Variants in LMBRD1 observed in about 807,000 individuals in gnomAD.
LMBRD1 encodes LMBR1 domain containing 1, also known as lysosomal cobalamin transport escort protein LMBD1.
LMBRD1 carries 64 observed loss-of-function variants against 74.8 expected under a neutral mutation model. The ratio of observed to expected loss-of-function variants is 0.86; its 90% CI spans 0.70 to 1.05. The LOEUF (loss-of-function observed/expected upper bound fraction) is 1.05, where lower values mean the gene tolerates loss of function less well. LMBRD1 is among the 50% of genes least tolerant of loss of function. The pLI is 0.00. For missense variants in LMBRD1, 652 were observed against 645.9 expected (o/e 1.01, Z -0.10); for synonymous variants, 204 against 216.3 (o/e 0.94, Z 0.50).
At chr6:69,713,074 G>C (rs1766416979) in intron 9 of LMBRD1, among the ~76,000 whole-genome samples, 1 of 151,984 alleles carries the variant, frequency 6.6e-6, no homozygotes, top group Non-Finnish European at 1.5e-5. Flanking sequence ...GGTAAAGCAT[G>C]AAAACAAAAA....
chr6:69,757,778 C>T (rs1448797830), intron 3 of LMBRD1, among the ~76,000 whole-genome samples: 1 of 152,146 alleles, frequency 6.6e-6, no homozygotes, highest in Non-Finnish European at 1.5e-5. Context: ...TTATGACACT[C>T]TCATATCCTA....
intron 3 of LMBRD1, among the ~76,000 whole-genome samples, chr6:69,779,897 T>C (rs1389676196): frequency 6.6e-6 from 1 of 152,116 alleles, no homozygotes; most frequent in African/African-American, 2.4e-5. Context: ...CTTAGGAAGT[T>C]TTCATCTTTT....
At chr6:69,719,226 A>C (rs1766561549) in intron 7 of LMBRD1, 145 bp from the exon 8 acceptor site, 1 of 684,560 alleles carries the variant, frequency 1.5e-6, no homozygotes, top group Non-Finnish European at 2.5e-6. Context: ...ATGGGAGTGA[A>C]CATTATATTG....
intron 7 of LMBRD1, among the ~76,000 whole-genome samples, chr6:69,721,047 G>C (rs865807610): frequency 1.3e-5 from 2 of 152,178 alleles, no homozygotes; most frequent in Non-Finnish European, 2.9e-5. Flanking sequence ...AGGAACATTT[G>C]CACCAACACC....
At chr6:69,796,740 G>A in intron 1 of LMBRD1, 73 bp downstream of exon 1, 2 of 1,435,240 alleles carry the variant, frequency 1.4e-6, no homozygotes, top group Non-Finnish European at 9.7e-7. Context: ...GCCCGGAGAG[G>A]CCAACTGCAG....
intron 4 of LMBRD1, among the ~76,000 whole-genome samples, chr6:69,751,731 T>G (rs1256263828): frequency 2.6e-5 from 4 of 152,230 alleles, no homozygotes; most frequent in African/African-American, 9.6e-5. Context: ...GTGTGCCACA[T>G]CTGATTCATC....
rs1766127760 is a variant in LMBRD1 at position 69,701,458 on chromosome 6, C to G, written c.1068G>C (p.Leu356Phe). 1 of 1,594,346 alleles carries G rather than the reference C, an allele frequency of 6.3e-7. No homozygotes were observed. Among genetic ancestry groups the G allele is most frequent in the African/African-American group, 1.3e-5 (1 of 74,324 alleles). The change falls in exon 11 of 16, where the codon TTG (leucine) becomes TTC (phenylalanine). Residue 356 changes from leucine to phenylalanine, a missense_variant. Leu to Phe is a conservative substitution (Grantham distance 22). Around this residue, in one of 3 missense-constraint regions of LMBRD1, gnomAD observed 598 missense variants for 581.8 expected, o/e 1.03. Transcript: ENST00000649934. ...TTTTACTTACTGTTTGTAGTAAAGG[C>G]AAAAGCATATTCAGTGGATTACTCA... ...ANLSNPLNML[L>F]PLLQTVFPLD... is the part of the protein sequence containing the mutation.
intron 7 of LMBRD1, among the ~76,000 whole-genome samples, chr6:69,720,749 AGTACT>A (rs1448058669): frequency 2.6e-5 from 4 of 152,182 alleles, no homozygotes; most frequent in Admixed American, 2.6e-4. Context: ...CACACAGAAA[AGTACT>A]GTCACAAGAA....
Position 69,737,958 on chromosome 6 carries a change from G to T in LMBRD1, c.620C>A (p.Ala207Glu). ...TTCACTTACTGTGTAAGTTATAGCT[G>T]CCAACATTCCAATCAAGGTCAGAGA... ...ISSLTLIGML[A>E]AITYTAYGMS... The change falls in exon 7 of 16, where the codon GCA becomes GAA. Residue 207 changes from alanine (A) to glutamate (E), a missense_variant. By Grantham distance (107) the Ala-to-Glu change is moderately radical (BLOSUM62 -1). Coordinates refer to ENST00000649934, the MANE Select transcript of LMBRD1 (RefSeq NM_018368.4). 6.2e-7 allele frequency: 1 copy of T among 1,610,484 alleles called. No individual in the cohort carries two copies. Among genetic ancestry groups the T allele is most frequent in the South Asian group, 1.1e-5 (1 of 90,706 alleles).
chr6:69,771,625 C>T (rs2149888213), intron 3 of LMBRD1, among the ~76,000 whole-genome samples: 1 of 152,204 alleles, frequency 6.6e-6, no homozygotes, highest in South Asian at 2.1e-4. Flanking sequence ...TAGATGAGAA[C>T]AAAGAAGTTT....
rs769707477 is a variant in LMBRD1 at position 69,741,774 on chromosome 6, A to G, written c.562+15T>C. ...AATATAAACTACTATGTTTTTTAAA[A>G]AAAACAATACTTACGACTACTTCCA... On this transcript the variant is annotated intron_variant, in intron 6 of 15. Coordinates refer to ENST00000649934, the MANE Select transcript of LMBRD1 (RefSeq NM_018368.4). The G allele has an allele frequency of 1.4e-6, 2 of 1,471,450 alleles. No homozygotes were observed. The highest frequency in any genetic ancestry group is 9.5e-7 in the Non-Finnish European group (1 of 1,051,358). 91.1% of individuals were successfully genotyped at this position (1,471,450 alleles called of 1,614,324 possible).
rs140137004 is a variant in LMBRD1 at position 69,727,788 on chromosome 6, A to G, written c.637-8707T>C. The stretch of plus-strand genomic sequence containing the variant: ...ACAAAGAATAAAGCCTATGGGAACT[A>G]AAGTACCTGATAGTTCCTTTAACAT... On this transcript the variant is annotated intron_variant, in intron 7 of 15. Coordinates refer to ENST00000649934, the MANE Select transcript of LMBRD1 (RefSeq NM_018368.4). Among the ~76,000 whole-genome samples the G allele has an allele frequency of 1.2e-3, 185 of 152,280 alleles. 4 individuals are homozygous for G. In the East Asian group the frequency reaches 0.031, roughly 25 times the overall value.
intron 2 of LMBRD1, among the ~76,000 whole-genome samples, chr6:69,786,658 G>C (rs1278709963): frequency 6.6e-6 from 1 of 151,880 alleles, no homozygotes; most frequent in Non-Finnish European, 1.5e-5. Flanking sequence ...AAATTATCTA[G>C]CTAAAATTAT....
At chr6:69,753,616 C>T (rs1001582874) in intron 3 of LMBRD1, among the ~76,000 whole-genome samples, 6 of 152,148 alleles carry the variant, frequency 3.9e-5, no homozygotes, top group African/African-American at 1.4e-4. Context: ...AACAGACTCT[C>T]GAAGAGTTAT....
At chr6:69,784,055 G>A (rs746102276) in intron 2 of LMBRD1, among the ~76,000 whole-genome samples, 1 of 152,064 alleles carries the variant, frequency 6.6e-6, no homozygotes, top group Non-Finnish European at 1.5e-5. Context: ...AGTGTATTTG[G>A]CTTTTACATA....
In LMBRD1 at chr6:69,749,374, A is replaced by C. The variant is rs900708468; in HGVS notation, c.440T>G (p.Phe147Cys). The C allele has an allele frequency of 1.2e-6, 2 of 1,612,730 alleles. No individual in the cohort carries two copies. Among genetic ancestry groups the C allele is most frequent in the African/African-American group, 2.7e-5 (2 of 74,832 alleles). ...AAGAAGCAGTGCACAAATCACAACAAATCCCAAAGTATACTTGAGTGCCGT... is the reference window on the plus strand; with the variant it reads ...AAGAAGCAGTGCACAAATCACAACACATCCCAAAGTATACTTGAGTGCCGT... ...IKTALKYTLG[F>C]VVICALLLLV... The change falls in exon 5 of 16, where the codon TTT (phenylalanine) becomes TGT (cysteine). Residue 147 changes from phenylalanine (F) to cysteine (C), a missense_variant. Transcript: ENST00000649934.
intron 3 of LMBRD1, among the ~76,000 whole-genome samples, chr6:69,771,770 A>C (rs576277293): frequency 3.3e-4 from 51 of 152,318 alleles, no homozygotes; most frequent in African/African-American, 1.2e-3. Flanking sequence ...ATATTTTTAA[A>C]GAATCACTCT....
chr6:69,718,830 G>C (rs1766549581), intron 8 of LMBRD1, 126 bp downstream of exon 8: 2 of 927,364 alleles, frequency 2.2e-6, no homozygotes, highest in Admixed American at 1.9e-5. Flanking sequence ...AACTGTACCA[G>C]ATATGCTGCA....
rs980178736 is a variant in LMBRD1, at chr6:69,689,785, G to T, written c.1417+7778C>A. Among the ~76,000 whole-genome samples, 3 of 152,076 alleles carry T rather than the reference G, an allele frequency of 2.0e-5. No individual in the cohort carries two copies. In the South Asian group the frequency reaches 6.2e-4, roughly 32 times the overall value. On this transcript the variant is annotated intron_variant, in intron 14 of 15. Transcript: ENST00000649934. ...ACAAATTTTTAAAATTTATTGATCA[G>T]CTTTAAAAATGTTTTAGACTTTATT...
Sources: allele counts gnomAD v4.1 joint callset (sites outside exome capture counted in the v4.1 genomes callset), GRCh38; gene constraint gnomAD v4.1.1; regional missense constraint gnomAD v4.1.1; transcripts MANE v1.5; gene names NCBI Gene and HGNC (gene_info 2026-07-23, HGNC 2026-07-21).